The following SIX3 variants were observed in gnomAD, a reference collection of about 807,000 sequenced individuals.
SIX3 encodes the protein homeobox protein SIX3.
SIX3 carries 2 observed loss-of-function variants against 21.7 expected under a neutral mutation model. The ratio of observed to expected loss-of-function variants is 0.09; its 90% CI spans 0.04 to 0.29. The LOEUF (loss-of-function observed/expected upper bound fraction) is 0.29. SIX3 is among the 10% of genes least tolerant of loss of function. The probability of loss-of-function intolerance (pLI) is 1.00; values close to 1 mark genes in which losing one functional copy is unlikely to be tolerated. For synonymous variants in SIX3, 243 were observed against 220.6 expected, an observed-to-expected ratio of 1.10 and a Z score of -0.90; for missense variants, 347 against 480.7, an observed-to-expected ratio of 0.72 and a Z score of 2.60.
In SIX3 at chr2:44,942,605, C is replaced by T. The variant is rs1666603715; in HGVS notation, c.501C>T (p.Ala167=). Residue 167 remains alanine, a synonymous_variant, in exon 1 of 2, where the codon GCC becomes GCT. Coordinates refer to ENST00000260653, the MANE Select transcript of SIX3 (RefSeq NM_005413.4). The surrounding 1 kb of genome is among the most constrained non-coding windows in gnomAD (Gnocchi z 8.4). ...FTKESHGKLQ[A]MWLEAHYQEA... ...AGGAGTCTCACGGCAAGCTGCAGGC[C>T]ATGTGGCTCGAGGCGCACTACCAGG... is the stretch of plus-strand genomic sequence containing the variant. 6.3e-7 allele frequency: 1 copy of T among 1,596,998 alleles called. No homozygotes were observed. Among genetic ancestry groups the T allele is most frequent in the East Asian group, 2.2e-5 (1 of 44,790 alleles).
In SIX3 at chr2:44,944,799, C is replaced by T. The variant is rs932994335; in HGVS notation, c.*39C>T. The T allele has an allele frequency of 2.0e-6, 3 of 1,520,368 alleles. No individual in the cohort carries two copies. Among genetic ancestry groups the T allele is most frequent in the Non-Finnish European group, 2.7e-6 (3 of 1,126,888 alleles). 94.2% of individuals were successfully genotyped at this position (1,520,368 alleles called of 1,614,324 possible). On this transcript the variant is annotated 3_prime_UTR_variant, in exon 2 of 2. Coordinates refer to ENST00000260653, the MANE Select transcript of SIX3 (RefSeq NM_005413.4). ...CCTCCTCCCTCTCCTTCCCCTCCTC[C>T]CCCACTCCTTCCCCTCCGCCTCCTA...
Position 44,941,976 on chromosome 2 carries a change from C to G in SIX3, c.-129C>G. ...TCCTCCTCTCCCTCCTCCTCCTGCT[C>G]CCCCCTCCTTTCCTTCTCCTCCTCC... On this transcript the variant is annotated 5_prime_UTR_variant, in exon 1 of 2. Coordinates refer to ENST00000260653, the MANE Select transcript of SIX3 (RefSeq NM_005413.4). 1 of 597,798 alleles carries G rather than the reference C, an allele frequency of 1.7e-6. No homozygotes were observed. Among genetic ancestry groups the G allele is most frequent in the Non-Finnish European group, 3.1e-6 (1 of 322,140 alleles). The allele number at this position is 597,798 out of a possible 1,614,324, so 37.0% of individuals were successfully genotyped here.
At position 44,944,548 on chromosome 2, in the gene SIX3, C is replaced by T. The variant is rs778662372; in HGVS notation, c.807-20C>T. 4 of 1,559,810 alleles carry T rather than the reference C, an allele frequency of 2.6e-6. No homozygotes were observed. The African/African-American group carries it at 5.4e-5, about 21-fold the overall frequency. On this transcript the variant is annotated intron_variant, in intron 1 of 1. Coordinates refer to ENST00000260653, the MANE Select transcript of SIX3 (RefSeq NM_005413.4). ...GCGGGCCTCTGTGTCAGGGCGGGCG[C>T]GGATCTCTTTCTCCCGCAGGCTCCA...
At position 44,944,867 on chromosome 2, in the gene SIX3, C is replaced by T; in HGVS notation, c.*107C>T. 2.8e-6 allele frequency: 3 copies of T among 1,068,032 alleles called. No homozygotes were observed. In the South Asian group the frequency reaches 4.0e-5, roughly 14 times the overall value. The allele number at this position is 1,068,032 out of a possible 1,614,324, so 66.2% of individuals were successfully genotyped here. On this transcript the variant is annotated 3_prime_UTR_variant, in exon 2 of 2. Coordinates refer to ENST00000260653, the MANE Select transcript of SIX3 (RefSeq NM_005413.4). ...CCTCTTCCTTCTCCTCCTCCATCCC[C>T]AGAACAAACCGAAATCAGGATACCC...
rs948812509 is a variant in SIX3 at position 44,942,980 on chromosome 2, G to T, written c.806+70G>T. On this transcript the variant is annotated intron_variant, in intron 1 of 1. Transcript: ENST00000260653. The surrounding 1 kb of genome is among the most constrained non-coding windows in gnomAD (Gnocchi z 8.4). Reference sequence around the variant, plus strand: ...GGAAGGGGAGAGGGGTTGAGATGGGGCTAGCGGAGCGGCCGCTGAGAGCCA... The same window carrying T: ...GGAAGGGGAGAGGGGTTGAGATGGGTCTAGCGGAGCGGCCGCTGAGAGCCA... 2.7e-5 allele frequency: 41 copies of T among 1,514,202 alleles called. No individual in the cohort carries two copies. Among genetic ancestry groups the T allele is most frequent in the Non-Finnish European group, 3.5e-5 (40 of 1,139,334 alleles). 93.8% of individuals were successfully genotyped at this position (1,514,202 alleles called of 1,614,324 possible).
Position 44,945,756 on chromosome 2 carries a change from C to T in SIX3, c.*996C>T, listed in dbSNP as rs1243038009. 2 of 152,300 alleles carry T rather than the reference C, an allele frequency of 1.3e-5. No individual in the cohort carries two copies. Among genetic ancestry groups the T allele is most frequent in the East Asian group, 3.9e-4 (2 of 5,190 alleles). The allele number at this position is 152,300 out of a possible 1,614,324, so 9.4% of individuals were successfully genotyped here. On this transcript the variant is annotated 3_prime_UTR_variant, in exon 2 of 2. Coordinates refer to ENST00000260653, the MANE Select transcript of SIX3 (RefSeq NM_005413.4). The stretch of plus-strand genomic sequence containing the variant: ...CTCTCCCTTTCTCTTTCTCTCCTCT[C>T]CCTCTCTCTGTCTTTCTCCCCGCTC...
In SIX3 at chr2:44,942,037, C is replaced by A; in HGVS notation, c.-68C>A. 8 of 1,270,404 alleles carry A rather than the reference C, an allele frequency of 6.3e-6. No homozygotes were observed. In the South Asian group the frequency reaches 8.3e-5, roughly 13 times the overall value. 78.7% of individuals were successfully genotyped at this position (1,270,404 alleles called of 1,614,324 possible). A position where few individuals can be genotyped will look rare whatever the true frequency, so the allele number is the denominator to read the frequency against. ...CTCCCTCCTCCTGGTCCTCATCGCC[C>A]CTCTCCTCCTCTTCCTCCCCTCTCT... On this transcript the variant is annotated 5_prime_UTR_variant, in exon 1 of 2. Coordinates refer to ENST00000260653, the MANE Select transcript of SIX3 (RefSeq NM_005413.4). The surrounding 1 kb of genome is among the most constrained non-coding windows in gnomAD (Gnocchi z 8.4).
In SIX3 at chr2:44,945,253, G is replaced by A. The variant is rs554967490; in HGVS notation, c.*493G>A. Reference sequence around the variant, plus strand: ...ATCAATCACCACCACGAGGACAAGAGGGCAAAAGCAAAACAGACAAAAAGA... The same window carrying A: ...ATCAATCACCACCACGAGGACAAGAAGGCAAAAGCAAAACAGACAAAAAGA... On this transcript the variant is annotated 3_prime_UTR_variant, in exon 2 of 2. Transcript: ENST00000260653. The A allele has an allele frequency of 7.4e-6, 1 of 134,414 alleles. No individual in the cohort carries two copies. The highest frequency in any genetic ancestry group is 1.5e-5 in the Non-Finnish European group (1 of 66,044). 8.3% of individuals were successfully genotyped at this position (134,414 alleles called of 1,614,324 possible).
At chr2:44,943,117 T>G (rs1482872768) in intron 1 of SIX3, among the ~76,000 whole-genome samples, 1 of 152,132 alleles carries the variant, frequency 6.6e-6, no homozygotes, top group Non-Finnish European at 1.5e-5. Flanking sequence ...AAGAGGGGCT[T>G]TCGTCAGGGC....
chr2:44,942,038 C>A lies in SIX3; in HGVS notation c.-67C>A. The A allele has an allele frequency of 2.3e-6, 3 of 1,300,350 alleles. No homozygotes were observed. The highest frequency in any genetic ancestry group is 3.3e-6 in the Non-Finnish European group (3 of 919,608). The allele number at this position is 1,300,350 out of a possible 1,614,324, so 80.6% of individuals were successfully genotyped here. The stretch of plus-strand genomic sequence containing the variant: ...TCCCTCCTCCTGGTCCTCATCGCCC[C>A]TCTCCTCCTCTTCCTCCCCTCTCTC... On this transcript the variant is annotated 5_prime_UTR_variant, in exon 1 of 2. Transcript: ENST00000260653. This position sits in a 1 kb window ranked among gnomAD's most constrained non-coding sequence, Gnocchi z 8.4.
chr2:44,942,648 G>A lies in SIX3; in HGVS notation c.544G>A (p.Gly182Ser). 6.3e-7 allele frequency: 1 copy of A among 1,597,440 alleles called. No individual in the cohort carries two copies. Among genetic ancestry groups the A allele is most frequent in the Non-Finnish European group, 8.5e-7 (1 of 1,178,820 alleles). Residue 182 changes from glycine to serine, a missense_variant, in exon 1 of 2, where the codon GGC (glycine) becomes AGC (serine). Physicochemically the swap from Gly to Ser is moderately conservative, Grantham distance 56 (BLOSUM62 0). Transcript: ENST00000260653. The surrounding 1 kb of genome is among the most constrained non-coding windows in gnomAD (Gnocchi z 8.4). The part of the protein sequence containing the change: ...AHYQEAEKLR[G>S]RPLGPVDKYR... ...CTACCAGGAGGCCGAGAAGCTGCGC[G>A]GCCGCCCACTCGGCCCGGTGGACAA...
rs756028915 is a variant in SIX3, at chr2:44,944,802, C to G, written c.*42C>G. On this transcript the variant is annotated 3_prime_UTR_variant, in exon 2 of 2. Transcript: ENST00000260653. ...CCTCCCTCTCCTTCCCCTCCTCCCCCACTCCTTCCCCTCCGCCTCCTAGCC... is the reference window on the plus strand; with the variant it reads ...CCTCCCTCTCCTTCCCCTCCTCCCCGACTCCTTCCCCTCCGCCTCCTAGCC... 5.9e-6 allele frequency: 9 copies of G among 1,515,228 alleles called. No individual in the cohort carries two copies. Among genetic ancestry groups the G allele is most frequent in the Middle Eastern group, 1.7e-4 (1 of 5,984 alleles). The allele number at this position is 1,515,228 out of a possible 1,614,324, so 93.9% of individuals were successfully genotyped here. A position where few individuals can be genotyped will look rare whatever the true frequency, so the allele number is the denominator to read the frequency against.
rs975692860 is a variant in SIX3, at chr2:44,945,115, G to C, written c.*355G>C. The C allele has an allele frequency of 5.3e-5, 16 of 299,132 alleles. No homozygotes were observed. Among genetic ancestry groups the C allele is most frequent in the African/African-American group, 3.3e-4 (15 of 45,204 alleles). The allele number at this position is 299,132 out of a possible 1,614,324, so 18.5% of individuals were successfully genotyped here. On this transcript the variant is annotated 3_prime_UTR_variant, in exon 2 of 2. Coordinates refer to ENST00000260653, the MANE Select transcript of SIX3 (RefSeq NM_005413.4). ...TTGTATACTTTCTAGGACAAGCACG[G>C]CTTCTCCTTTCGGTTCCCATGGACC...
In SIX3 at chr2:44,942,629, G is replaced by A. The variant is rs116680477; in HGVS notation, c.525G>A (p.Gln175=). 1.6e-3 allele frequency: 2,583 copies of A among 1,596,266 alleles called. 34 individuals carry two copies. The African/African-American group carries it at 0.03, about 19-fold the overall frequency. Residue 175 remains glutamine (Q), a synonymous_variant, in exon 1 of 2, where the codon CAG becomes CAA. Transcript: ENST00000260653. This position sits in a 1 kb window ranked among gnomAD's most constrained non-coding sequence, Gnocchi z 8.4. The part of the protein sequence containing the change: ...LQAMWLEAHY[Q]EAEKLRGRPL... ...CCATGTGGCTCGAGGCGCACTACCA[G>A]GAGGCCGAGAAGCTGCGCGGCCGCC...
Position 44,942,025 on chromosome 2 carries a change from G to GTCCTCATCGCCCCTCTCC in SIX3, c.-74_-57dup. The GTCCTCATCGCCCCTCTCC allele has an allele frequency of 4.7e-6, 5 of 1,065,426 alleles. No homozygotes were observed. The highest frequency in any genetic ancestry group is 7.0e-6 in the Non-Finnish European group (5 of 712,338). The allele number at this position is 1,065,426 out of a possible 1,614,324, so 66.0% of individuals were successfully genotyped here. ...CCCCCCTCTCCTCTCCCTCCTCCTGGTCCTCATCGCCCCTCTCCTCCTCTT... is the reference window on the plus strand; with the variant it reads ...CCCCCCTCTCCTCTCCCTCCTCCTGGTCCTCATCGCCCCTCTCCTCCTCATCGCCCCTCTCCTCCTCTT... On this transcript the variant is annotated 5_prime_UTR_variant, in exon 1 of 2. Transcript: ENST00000260653. This position sits in a 1 kb window ranked among gnomAD's most constrained non-coding sequence, Gnocchi z 8.4.
At chr2:44,944,170 GC>G in intron 1 of SIX3, among the ~76,000 whole-genome samples, 1 of 152,368 alleles carries the variant, frequency 6.6e-6, no homozygotes, top group Middle Eastern at 3.4e-3. Context: ...CTCTGCGCTG[GC>G]ATCCAGAGAG....
rs1219173054 is a variant in SIX3 at position 44,945,823 on chromosome 2, C to G, written c.*1063C>G. 1 of 152,224 alleles carries G rather than the reference C, an allele frequency of 6.6e-6. No homozygotes were observed. Among genetic ancestry groups the G allele is most frequent in the Non-Finnish European group, 1.5e-5 (1 of 68,054 alleles). 9.4% of individuals were successfully genotyped at this position (152,224 alleles called of 1,614,324 possible). A position where few individuals can be genotyped will look rare whatever the true frequency, so the allele number is the denominator to read the frequency against. The stretch of plus-strand genomic sequence containing the variant: ...TTTGGGGTTCTCCTCCCACTCGGTG[C>G]TCCTGGTGTCGACTTGGCAGTCAAG... On this transcript the variant is annotated 3_prime_UTR_variant, in exon 2 of 2. Coordinates refer to ENST00000260653, the MANE Select transcript of SIX3 (RefSeq NM_005413.4).
Position 44,942,290 on chromosome 2 carries a change from A to G in SIX3, c.186A>G (p.Ala62=). 1 of 1,556,082 alleles carries G rather than the reference A, an allele frequency of 6.4e-7. No individual in the cohort carries two copies. The highest frequency in any genetic ancestry group is 2.3e-5 in the East Asian group (1 of 42,732). Residue 62 remains alanine (A), a synonymous_variant, in exon 1 of 2, where the codon GCA becomes GCG. Coordinates refer to ENST00000260653, the MANE Select transcript of SIX3 (RefSeq NM_005413.4). This position sits in a 1 kb window ranked among gnomAD's most constrained non-coding sequence, Gnocchi z 8.4. ...CGGGAGGCGGCGGTGCTGGCGGAGC[A>G]GGCGGCGGCGGCGGCGGCGGCTCCA... ...NGAGGGGAGG[A]GGGGGGGSRA...
At position 44,941,794 on chromosome 2, in the gene SIX3, GCTCTCCCTCTCCT is replaced by G. The variant is rs1367460909; in HGVS notation, c.-298_-286del. On this transcript the variant is annotated 5_prime_UTR_variant, in exon 1 of 2. Coordinates refer to ENST00000260653, the MANE Select transcript of SIX3 (RefSeq NM_005413.4). ...CTGAATCTTGACTCGGCGGTGGTTGGCTCTCCCTCTCCTCTCTCCCTCTCCCTCTCCCTCTCTG... is the reference window on the plus strand; with the variant it reads ...CTGAATCTTGACTCGGCGGTGGTTGGCTCTCCCTCTCCCTCTCCCTCTCTG... 7.0e-5 allele frequency: 24 copies of G among 343,946 alleles called. 1 individual carries two copies. The East Asian group carries it at 1.5e-3, about 21-fold the overall frequency. 21.3% of individuals were successfully genotyped at this position (343,946 alleles called of 1,614,324 possible). A position where few individuals can be genotyped will look rare whatever the true frequency, so the allele number is the denominator to read the frequency against.
Sources: allele counts gnomAD v4.1 joint callset (sites outside exome capture counted in the v4.1 genomes callset), GRCh38; gene constraint gnomAD v4.1.1; non-coding constraint Gnocchi (gnomAD v3.1); transcripts MANE v1.5; gene names NCBI Gene and HGNC (gene_info 2026-07-23, HGNC 2026-07-21).